AGAP1: variants seen among roughly 807,000 people sequenced by gnomAD.
AGAP1 encodes the protein arf-GAP with GTPase, ANK repeat and PH domain-containing protein 1.
A neutral mutation model predicts 105.3 loss-of-function variants in AGAP1; 29 were observed. The observed-to-expected ratio is 0.28, with a 90% CI of 0.21 to 0.38. The LOEUF is 0.38. AGAP1 is among the 10% of genes least tolerant of loss of function. The pLI, the probability that AGAP1 is intolerant of heterozygous loss-of-function variation, is 1.00. For missense variants in AGAP1, 998 were observed against 1,165.1 expected (o/e 0.86, Z 2.09); for synonymous variants, 509 against 485.9 (o/e 1.05, Z -0.63).
intron 16 of AGAP1, among the ~76,000 whole-genome samples, chr2:236,108,937 T>C (rs1396024875): frequency 6.6e-6 from 1 of 152,160 alleles, no homozygotes; most frequent in African/African-American, 2.4e-5. Flanking sequence ...GCTTAAAACT[T>C]TCTTTTCTGG....
At chr2:235,774,686 C>T (rs1373546506) in intron 6 of AGAP1, among the ~76,000 whole-genome samples, 1 of 152,152 alleles carries the variant, frequency 6.6e-6, no homozygotes, top group African/African-American at 2.4e-5. Context: ...ATCTTTATGG[C>T]GGTACTTTGA....
chr2:236,036,631 G>A lies in AGAP1; in HGVS notation c.1716G>A (p.Thr572=), dbSNP rs369332248. ...TGQTWHFEAT[T]YEERDAWVQA... is the part of the protein sequence containing the mutation. ...AAACATGGCACTTTGAAGCCACGAC[G>A]TATGAGGAGCGGGACGCCTGGGTCC... The change falls in exon 14 of 18, where the codon ACG becomes ACA. Residue 572 remains threonine, a synonymous_variant. Transcript: ENST00000304032. This position sits in a 1 kb window ranked among gnomAD's most constrained non-coding sequence, Gnocchi z 5.7. 4.3e-5 allele frequency: 70 copies of A among 1,614,234 alleles called. No individual in the cohort carries two copies. In the East Asian group the frequency reaches 6.2e-4, roughly 14 times the overall value.
chr2:235,791,704 T>C (rs1575476841), intron 6 of AGAP1, among the ~76,000 whole-genome samples: 1 of 152,204 alleles, frequency 6.6e-6, no homozygotes, highest in African/African-American at 2.4e-5. Context: ...CACGCCACAA[T>C]GCCTGGCTAA....
At chr2:235,859,805 G>A (rs1017744174) in intron 9 of AGAP1, among the ~76,000 whole-genome samples, 1 of 152,180 alleles carries the variant, frequency 6.6e-6, no homozygotes, top group African/African-American at 2.4e-5. Context: ...CAGTTCAAAA[G>A]GCTCTGAAAT....
chr2:235,965,041 G>C lies in AGAP1; in HGVS notation c.1484-3421G>C, dbSNP rs1688950288. Reference sequence around the variant, plus strand: ...CCAAACTGTCATAGTGCAGGCTCAGGGGGTCTCAGGACTGCTGGCTACACC... The same window carrying C: ...CCAAACTGTCATAGTGCAGGCTCAGCGGGTCTCAGGACTGCTGGCTACACC... On this transcript the variant is annotated intron_variant, in intron 12 of 17. Coordinates refer to ENST00000304032, the MANE Select transcript of AGAP1 (RefSeq NM_001037131.3). The surrounding 1 kb of genome is among the most constrained non-coding windows in gnomAD (Gnocchi z 5.8). Among the ~76,000 whole-genome samples the C allele has an allele frequency of 6.6e-6, 1 of 152,186 alleles. No homozygotes were observed. Among genetic ancestry groups the C allele is most frequent in the East Asian group, 1.9e-4 (1 of 5,198 alleles).
At chr2:235,838,859 T>G (rs1960475418) in intron 9 of AGAP1, among the ~76,000 whole-genome samples, 4 of 152,356 alleles carry the variant, frequency 2.6e-5, no homozygotes, top group Admixed American at 2.0e-4. Flanking sequence ...CTTTTTTTTT[T>G]TAAGAAGCAT....
chr2:235,548,190 C>T (rs954525894), intron 1 of AGAP1, among the ~76,000 whole-genome samples: 1 of 152,232 alleles, frequency 6.6e-6, no homozygotes, highest in South Asian at 2.1e-4. Flanking sequence ...TGCGTCTCGT[C>T]TCCCTTGGAC....
At chr2:235,530,499 G>A (rs1381276322) in intron 1 of AGAP1, among the ~76,000 whole-genome samples, 1 of 152,140 alleles carries the variant, frequency 6.6e-6, no homozygotes, top group Admixed American at 6.6e-5. Context: ...GCAGGGCCGC[G>A]TTCCTTCTGC....
At chr2:235,892,982 G>A (rs544983505) in intron 10 of AGAP1, among the ~76,000 whole-genome samples, 1 of 152,338 alleles carries the variant, frequency 6.6e-6, no homozygotes, top group Admixed American at 6.5e-5. Context: ...CTGGCACGCT[G>A]CTGCAGAAGG....
chr2:236,112,023 C>T (rs896485636), intron 16 of AGAP1, among the ~76,000 whole-genome samples: 2 of 152,186 alleles, frequency 1.3e-5, no homozygotes, highest in African/African-American at 2.4e-5. Flanking sequence ...TTCCCTCGGG[C>T]TTTTACCCCA....
At chr2:235,862,304 G>A (rs1178487842) in intron 9 of AGAP1, among the ~76,000 whole-genome samples, 1 of 152,224 alleles carries the variant, frequency 6.6e-6, no homozygotes, top group Non-Finnish European at 1.5e-5. Context: ...TTTGTAGTAA[G>A]GAGTTATTGC....
rs189659930 is a variant in AGAP1 at position 235,736,898 on chromosome 2, A to C, written c.311-4065A>C. Among the ~76,000 whole-genome samples, 2 of 152,374 alleles carry C rather than the reference A, an allele frequency of 1.3e-5. No individual in the cohort carries two copies. The highest frequency in any genetic ancestry group is 4.8e-5 in the African/African-American group (2 of 41,602). ...TGAAAAATCTAATGACTGGGATGAGATCTGATGAAATGGTAGGTTGAATTT... is the reference window on the plus strand; with the variant it reads ...TGAAAAATCTAATGACTGGGATGAGCTCTGATGAAATGGTAGGTTGAATTT... On this transcript the variant is annotated intron_variant, in intron 3 of 17. Coordinates refer to ENST00000304032, the MANE Select transcript of AGAP1 (RefSeq NM_001037131.3). This position sits in a 1 kb window ranked among gnomAD's most constrained non-coding sequence, Gnocchi z 5.5.
intron 9 of AGAP1, among the ~76,000 whole-genome samples, chr2:235,869,064 A>T (rs958839341): frequency 6.6e-6 from 1 of 152,246 alleles, no homozygotes; most frequent in Non-Finnish European, 1.5e-5. Context: ...TCCAAGTAAC[A>T]TAAGAAGAAT....
intron 13 of AGAP1, among the ~76,000 whole-genome samples, chr2:236,028,692 C>G (rs1490077659): frequency 6.6e-6 from 1 of 152,122 alleles, no homozygotes; most frequent in Non-Finnish European, 1.5e-5. Context: ...ATCTCTCGGT[C>G]TTTCATTCCC....
At chr2:235,902,458 G>A (rs867312600) in intron 10 of AGAP1, among the ~76,000 whole-genome samples, 75 of 152,272 alleles carry the variant, frequency 4.9e-4, no homozygotes, top group Middle Eastern at 3.4e-3. Context: ...TGCATGTGAT[G>A]TCATACCCCG....
chr2:235,745,119 A>G (rs1037131177), intron 5 of AGAP1, among the ~76,000 whole-genome samples: 3 of 151,996 alleles, frequency 2.0e-5, no homozygotes, highest in Non-Finnish European at 2.9e-5. Context: ...AAAAATATAT[A>G]TGTGTGTGTG....
intron 6 of AGAP1, among the ~76,000 whole-genome samples, chr2:235,765,441 T>G (rs557818256): frequency 1.2e-4 from 18 of 152,132 alleles, no homozygotes; most frequent in Non-Finnish European, 2.5e-4. Flanking sequence ...CTGCACTTTT[T>G]AGTCGAACAT....
At chr2:235,998,244 A>G (rs2055901914) in intron 13 of AGAP1, among the ~76,000 whole-genome samples, 1 of 152,182 alleles carries the variant, frequency 6.6e-6, no homozygotes, top group Non-Finnish European at 1.5e-5. Flanking sequence ...TCTTTTTCTA[A>G]TTTTATTGCA....
chr2:235,901,041 CA>C lies in AGAP1; in HGVS notation c.1156-7696del, dbSNP rs1488590894. Reference sequence around the variant, plus strand: ...GTTCTGTGATCTGAAGGGATGTGGCCAGAAGATTTTTCATAGTTTTACAATA... The same window carrying C: ...GTTCTGTGATCTGAAGGGATGTGGCCGAAGATTTTTCATAGTTTTACAATA... On this transcript the variant is annotated intron_variant, in intron 10 of 17. Coordinates refer to ENST00000304032, the MANE Select transcript of AGAP1 (RefSeq NM_001037131.3). The surrounding 1 kb of genome is among the most constrained non-coding windows in gnomAD (Gnocchi z 4.3). Among the ~76,000 whole-genome samples, 57 of 152,124 alleles carry C rather than the reference CA, an allele frequency of 3.7e-4. 1 individual carries two copies. The highest frequency in any genetic ancestry group is 3.4e-4 in the Non-Finnish European group (23 of 68,028).
Sources: allele counts gnomAD v4.1 joint callset (sites outside exome capture counted in the v4.1 genomes callset), GRCh38; gene constraint gnomAD v4.1.1; non-coding constraint Gnocchi (gnomAD v3.1); transcripts MANE v1.5; gene names NCBI Gene and HGNC (gene_info 2026-07-23, HGNC 2026-07-21).